HRH1: variants seen among roughly 807,000 people sequenced by gnomAD.
HRH1 encodes the protein histamine receptor H1, also known as histamine H1 receptor.
A neutral mutation model predicts 10.3 loss-of-function variants in HRH1; 6 were observed. The observed-to-expected ratio is 0.58, with a 90% CI of 0.32 to 1.15. The LOEUF (loss-of-function observed/expected upper bound fraction) is 1.15, where lower values mean the gene tolerates loss of function less well. Ranked by LOEUF, HRH1 falls within the 50% of genes most tolerant of loss-of-function variation. HRH1 has a pLI of 0.05. For missense variants in HRH1, 514 were observed against 615.3 expected (o/e 0.84, Z 1.74); for synonymous variants, 242 against 236.7 (o/e 1.02, Z -0.21).
At chr3:11,216,805 A>T (rs1938514508) in intron 1 of HRH1, among the ~76,000 whole-genome samples, 1 of 151,974 alleles carries the variant, frequency 6.6e-6, no homozygotes, top group Non-Finnish European at 1.5e-5. Flanking sequence ...ACTTGAAGCC[A>T]GGAGGTGGAG....
At chr3:11,183,756 C>T (rs561722529) in intron 1 of HRH1, among the ~76,000 whole-genome samples, 16 of 150,450 alleles carry the variant, frequency 1.1e-4, no homozygotes, top group South Asian at 2.1e-4. Context: ...CTCGCTCTGT[C>T]GCCCAGGCTG....
rs77724499 is a variant in HRH1 at position 11,157,221 on chromosome 3, A to G, written c.-36+2667A>G. On this transcript the variant is annotated intron_variant, in intron 1 of 1. Transcript: ENST00000431010. Reference sequence around the variant, plus strand: ...TGGGCATCGGCTTCCTTATCTGCAAAATGGCCATTCGTTCGATTTGCCAGT... The same window carrying G: ...TGGGCATCGGCTTCCTTATCTGCAAGATGGCCATTCGTTCGATTTGCCAGT... 3.8e-3 allele frequency among the ~76,000 whole-genome samples: 576 copies of G among 152,288 alleles called. 24 individuals carry two copies. The East Asian group carries it at 0.084, about 22-fold the overall frequency.
chr3:11,238,527 T>A (rs1939249486), intron 1 of HRH1, among the ~76,000 whole-genome samples: 1 of 152,174 alleles, frequency 6.6e-6, no homozygotes, highest in Non-Finnish European at 1.5e-5. Flanking sequence ...CACTGAAAAA[T>A]TTTAAAAACA....
chr3:11,255,548 C>T (rs1474383778), intron 1 of HRH1, among the ~76,000 whole-genome samples: 1 of 152,198 alleles, frequency 6.6e-6, no homozygotes, highest in African/African-American at 2.4e-5. Context: ...AGGTTGAGGA[C>T]GCACACCCAT....
intron 1 of HRH1, among the ~76,000 whole-genome samples, chr3:11,193,733 G>T (rs6774099): frequency 0.3 from 46,094 of 152,066 alleles, 7,557 homozygotes; most frequent in African/African-American, 0.4. Flanking sequence ...CAACATTTTG[G>T]TTCATAGACT....
chr3:11,163,948 C>T lies in HRH1; in HGVS notation c.-36+9394C>T, dbSNP rs572962763. ...CATGTCCTTATTGTCACCATCGGTC[C>T]CCCCATGGCTGTGAGCAGCTTGAGG... On this transcript the variant is annotated intron_variant, in intron 1 of 1. Coordinates refer to ENST00000431010, the MANE Select transcript of HRH1 (RefSeq NM_001098212.2). 2.6e-5 allele frequency among the ~76,000 whole-genome samples: 4 copies of T among 152,278 alleles called. No individual in the cohort carries two copies. In the East Asian group the frequency reaches 7.7e-4, roughly 29 times the overall value.
chr3:11,219,765 T>TTCAA (rs549004255), intron 1 of HRH1, among the ~76,000 whole-genome samples: 3 of 146,960 alleles, frequency 2.0e-5, no homozygotes, highest in Non-Finnish European at 4.5e-5. Context: ...TGTGTAACAA[T>TTCAA]TCAATCAATG....
intron 1 of HRH1, among the ~76,000 whole-genome samples, chr3:11,146,698 T>G (rs1198265338): frequency 6.6e-6 from 1 of 152,076 alleles, no homozygotes; most frequent in African/African-American, 2.4e-5. Context: ...AAAAATTAAA[T>G]GTAGAAAGCA....
intron 1 of HRH1, among the ~76,000 whole-genome samples, chr3:11,193,866 C>T (rs73119369): frequency 6.6e-6 from 1 of 152,192 alleles, no homozygotes; most frequent in Admixed American, 6.5e-5. Flanking sequence ...TGATGAGGAA[C>T]AAATATTCAG....
At chr3:11,160,322 C>T (rs1559256086) in intron 1 of HRH1, among the ~76,000 whole-genome samples, 1 of 152,194 alleles carries the variant, frequency 6.6e-6, no homozygotes, top group Admixed American at 6.5e-5. Context: ...CCTCAGTCCT[C>T]TTTTTAATAA....
At chr3:11,225,724 C>T (rs987245682) in intron 1 of HRH1, among the ~76,000 whole-genome samples, 3 of 152,202 alleles carry the variant, frequency 2.0e-5, no homozygotes, top group African/African-American at 7.2e-5. Context: ...CTCGCTCTGT[C>T]GCCCAGGCTG....
upstream of HRH1, among the ~76,000 whole-genome samples, chr3:11,152,778 G>A (rs910558018): frequency 6.6e-6 from 1 of 151,998 alleles, no homozygotes; most frequent in Non-Finnish European, 1.5e-5. Flanking sequence ...AAAATATGGA[G>A]GCCCTGGAGA....
At chr3:11,235,115 T>C (rs1939144254) in intron 1 of HRH1, among the ~76,000 whole-genome samples, 1 of 151,396 alleles carries the variant, frequency 6.6e-6, no homozygotes. Context: ...CATGGGAGGC[T>C]GAGGCAGGAG....
At chr3:11,194,507 G>A (rs979664659) in intron 1 of HRH1, among the ~76,000 whole-genome samples, 1 of 152,122 alleles carries the variant, frequency 6.6e-6, no homozygotes, top group African/African-American at 2.4e-5. Context: ...TATACCAACT[G>A]TACTATTATT....
intron 1 of HRH1, among the ~76,000 whole-genome samples, chr3:11,161,493 C>T (rs1419117881): frequency 2.0e-5 from 3 of 152,172 alleles, no homozygotes; most frequent in African/African-American, 4.8e-5. Context: ...AGTCTGTGGA[C>T]GTGATTGTTG....
At chr3:11,144,496 C>T (rs1326049789) in intron 1 of HRH1, among the ~76,000 whole-genome samples, 8 of 1,328 alleles carry the variant, frequency 6.0e-3, no homozygotes, top group South Asian at 0.083. Context: ...CACACACACA[C>T]GCCACACACA....
At chr3:11,186,061 C>T (rs1480520756) in intron 1 of HRH1, among the ~76,000 whole-genome samples, 2 of 152,172 alleles carry the variant, frequency 1.3e-5, no homozygotes, top group African/African-American at 4.8e-5. Context: ...CTCCTGCCCA[C>T]CTTGCAGAGC....
At chr3:11,138,002 A>G (rs1168181018) in intron 1 of HRH1, among the ~76,000 whole-genome samples, 1 of 152,000 alleles carries the variant, frequency 6.6e-6, no homozygotes, top group East Asian at 1.9e-4. Flanking sequence ...CAGGTGTACT[A>G]TCCAGAATAC....
intron 1 of HRH1, among the ~76,000 whole-genome samples, chr3:11,199,456 T>C (rs1190421190): frequency 6.6e-6 from 1 of 152,062 alleles, no homozygotes; most frequent in Non-Finnish European, 1.5e-5. Flanking sequence ...CATTCTCCCC[T>C]CAGGCCCTGA....
Sources: allele counts gnomAD v4.1 joint callset (sites outside exome capture counted in the v4.1 genomes callset), GRCh38; gene constraint gnomAD v4.1.1; transcripts MANE v1.5; gene names NCBI Gene and HGNC (gene_info 2026-07-23, HGNC 2026-07-21).